The following SNTG2 variants were observed in gnomAD, a reference collection of about 807,000 sequenced individuals.
SNTG2 encodes the protein gamma-2-syntrophin.
A neutral mutation model predicts 70.9 loss-of-function variants in SNTG2; 74 were observed. The ratio of observed to expected loss-of-function variants is 1.04; its 90% CI spans 0.86 to 1.27. The LOEUF (loss-of-function observed/expected upper bound fraction) is 1.27. Ranked by LOEUF, SNTG2 falls within the 50% of genes most tolerant of loss-of-function variation. SNTG2 has a pLI of 0.00. For missense variants in SNTG2, 717 were observed against 690.7 expected (o/e 1.04, Z -0.43); for synonymous variants, 278 against 273.8 (o/e 1.02, Z -0.15).
intron 9 of SNTG2, among the ~76,000 whole-genome samples, chr2:1,222,120 T>TGC (rs1420378323): frequency 1.7e-5 from 2 of 115,828 alleles, no homozygotes; most frequent in African/African-American, 3.9e-5. Context: ...TCTCTGTCTC[T>TGC]CTCTGTCTCT....
chr2:1,239,902 T>C, intron 11 of SNTG2, 126 bp downstream of exon 11: 9 of 1,173,252 alleles, frequency 7.7e-6, no homozygotes, highest in Non-Finnish European at 1.1e-5. Flanking sequence ...AAAATGTTGA[T>C]AGGAAAACAT....
At chr2:1,208,097 C>A (rs983223912) in intron 8 of SNTG2, among the ~76,000 whole-genome samples, 17 of 152,328 alleles carry the variant, frequency 1.1e-4, no homozygotes, top group African/African-American at 3.8e-4. Context: ...ATTCCAGGTG[C>A]AACAGTCCCT....
intron 1 of SNTG2, among the ~76,000 whole-genome samples, chr2:992,492 A>G (rs1411807006): frequency 1.3e-5 from 2 of 152,204 alleles, no homozygotes; most frequent in African/African-American, 4.8e-5. Context: ...ATTTAATAAA[A>G]GACTTCAAGA....
chr2:1,020,411 A>G, intron 1 of SNTG2, among the ~76,000 whole-genome samples: 1 of 152,200 alleles, frequency 6.6e-6, no homozygotes, highest in East Asian at 1.9e-4. Flanking sequence ...ATCAGCAGGC[A>G]GGCCACGGTG....
chr2:1,084,167 T>C (rs1196380564), intron 2 of SNTG2, among the ~76,000 whole-genome samples: 1 of 152,236 alleles, frequency 6.6e-6, no homozygotes, highest in Admixed American at 6.5e-5. Context: ...AGGCTGGCCC[T>C]TTCTGGGGGC....
Position 1,159,866 on chromosome 2 carries a change from A to C in SNTG2, c.412-5682A>C, listed in dbSNP as rs527737033. ...AGACTGATGAAGAAATATTAATTAA[A>C]ATGCAAATATGATTAGGGATGAAAG... On this transcript the variant is annotated intron_variant, in intron 6 of 16. Coordinates refer to ENST00000308624, the MANE Select transcript of SNTG2 (RefSeq NM_018968.4). Among the ~76,000 whole-genome samples the C allele has an allele frequency of 2.4e-4, 36 of 152,328 alleles. No homozygotes were observed. The South Asian group carries it at 6.4e-3, about 27-fold the overall frequency.
intron 16 of SNTG2, among the ~76,000 whole-genome samples, chr2:1,347,174 A>G (rs1333855655): frequency 6.6e-6 from 1 of 152,214 alleles, no homozygotes; most frequent in Non-Finnish European, 1.5e-5. Flanking sequence ...AGGTAGCACC[A>G]TAACAGGCAG....
rs984145553 is a variant in SNTG2 at position 950,959 on chromosome 2, G to T, written c.-38G>T. The T allele has an allele frequency of 1.7e-5, 20 of 1,149,984 alleles. No homozygotes were observed. The Admixed American group carries it at 1.8e-4, about 10-fold the overall frequency. The allele number at this position is 1,149,984 out of a possible 1,614,324, so 71.2% of individuals were successfully genotyped here. On this transcript the variant is annotated 5_prime_UTR_variant, in exon 1 of 17. Transcript: ENST00000308624. ...CGGACGGGGTCCTGGCGTTGAGCTC[G>T]GCCGGCCCGGAGCGCGGACCCAGCC...
chr2:1,197,737 T>C (rs1418548388), intron 8 of SNTG2, among the ~76,000 whole-genome samples: 1 of 151,954 alleles, frequency 6.6e-6, no homozygotes, highest in Non-Finnish European at 1.5e-5. Flanking sequence ...TGTTGCCATG[T>C]TGCCCAGGAT....
intron 8 of SNTG2, among the ~76,000 whole-genome samples, chr2:1,203,919 A>G (rs1673465731): frequency 6.6e-6 from 1 of 152,176 alleles, no homozygotes; most frequent in Non-Finnish European, 1.5e-5. Flanking sequence ...AATATCCTCA[A>G]GCAACAATCA....
At chr2:1,250,152 C>T (rs1290334824) in intron 12 of SNTG2, among the ~76,000 whole-genome samples, 1 of 152,214 alleles carries the variant, frequency 6.6e-6, no homozygotes, top group Non-Finnish European at 1.5e-5. Context: ...TGGTGCTTCC[C>T]TCCCCCAGGG....
At chr2:976,545 GC>G (rs1341212009) in intron 1 of SNTG2, among the ~76,000 whole-genome samples, 1 of 152,184 alleles carries the variant, frequency 6.6e-6, no homozygotes, top group East Asian at 1.9e-4. Context: ...TCCGAGTTTT[GC>G]CTGAGAGCAG....
intron 1 of SNTG2, among the ~76,000 whole-genome samples, chr2:1,066,976 T>C (rs1209557205): frequency 6.6e-6 from 1 of 152,202 alleles, no homozygotes; most frequent in Admixed American, 6.5e-5. Flanking sequence ...ACTGTACGTT[T>C]GTTAGCTGTT....
intron 7 of SNTG2, among the ~76,000 whole-genome samples, chr2:1,166,929 A>G (rs999588418): frequency 2.0e-5 from 3 of 152,114 alleles, no homozygotes; most frequent in African/African-American, 7.2e-5. Context: ...ACTCCAGGAG[A>G]AAACCACCTT....
chr2:1,274,201 C>T (rs1055415736), intron 14 of SNTG2, among the ~76,000 whole-genome samples: 1 of 152,224 alleles, frequency 6.6e-6, no homozygotes, highest in Non-Finnish European at 1.5e-5. Context: ...GAAAATGGCA[C>T]ACCCAGCTTG....
intron 11 of SNTG2, among the ~76,000 whole-genome samples, chr2:1,244,000 CG>C (rs1181250558): frequency 1.3e-5 from 2 of 151,704 alleles, no homozygotes; most frequent in Non-Finnish European, 2.9e-5. Flanking sequence ...CACTCCAGCC[CG>C]GGCGACAGAG....
At chr2:1,035,185 A>T (rs887737711) in intron 1 of SNTG2, among the ~76,000 whole-genome samples, 10 of 152,182 alleles carry the variant, frequency 6.6e-5, no homozygotes. Flanking sequence ...AGATACAACA[A>T]TCCTTTATTT....
intron 14 of SNTG2, among the ~76,000 whole-genome samples, chr2:1,273,548 A>G (rs1394584506): frequency 1.3e-5 from 2 of 152,052 alleles, no homozygotes; most frequent in Non-Finnish European, 2.9e-5. Flanking sequence ...TCAGTGGAGA[A>G]AGGAAAGCCT....
At chr2:997,873 C>G (rs1661740384) in intron 1 of SNTG2, among the ~76,000 whole-genome samples, 1 of 152,190 alleles carries the variant, frequency 6.6e-6, no homozygotes, top group Non-Finnish European at 1.5e-5. Flanking sequence ...TAGCCTAGAG[C>G]TGGAACTACA....
Sources: allele counts gnomAD v4.1 joint callset (sites outside exome capture counted in the v4.1 genomes callset), GRCh38; gene constraint gnomAD v4.1.1; transcripts MANE v1.5; gene names NCBI Gene and HGNC (gene_info 2026-07-23, HGNC 2026-07-21).